Variants in PDE10A observed in about 807,000 individuals in gnomAD.
PDE10A encodes cAMP and cAMP-inhibited cGMP 3',5'-cyclic phosphodiesterase 10A.
A neutral mutation model predicts 97.7 loss-of-function variants in PDE10A; 39 were observed. That is an observed-to-expected ratio of 0.40 (90% CI 0.31 to 0.52). The LOEUF is 0.52. PDE10A is among the 20% of genes least tolerant of loss of function. The probability of loss-of-function intolerance (pLI) is 0.56; values close to 1 mark genes in which losing one functional copy is unlikely to be tolerated. For missense variants in PDE10A, 731 were observed against 1,047.8 expected (o/e 0.70, Z 4.17); for synonymous variants, 371 against 376.8 (o/e 0.98, Z 0.18).
chr6:165,895,148 T>C (rs969493381), intron 1 of PDE10A, among the ~76,000 whole-genome samples: 2 of 152,060 alleles, frequency 1.3e-5, no homozygotes, highest in African/African-American at 4.8e-5. Flanking sequence ...CTGTAAAAGA[T>C]ATGTTAAACT....
intron 1 of PDE10A, among the ~76,000 whole-genome samples, chr6:165,928,667 T>TG (rs1167162835): frequency 6.6e-6 from 1 of 152,140 alleles, no homozygotes; most frequent in Non-Finnish European, 1.5e-5. Context: ...AACCTGGTGG[T>TG]GCCAACATCC....
At chr6:165,873,001 T>C (rs981486992) in intron 1 of PDE10A, among the ~76,000 whole-genome samples, 2 of 152,220 alleles carry the variant, frequency 1.3e-5, no homozygotes, top group African/African-American at 4.8e-5. Flanking sequence ...GTAACGCCGA[T>C]GTGGGAGGCA....
intron 1 of PDE10A, among the ~76,000 whole-genome samples, chr6:165,795,554 C>T (rs770200716): frequency 5.9e-5 from 9 of 151,662 alleles, no homozygotes; most frequent in Non-Finnish European, 1.2e-4. Context: ...GGTGAAACCC[C>T]GTCTCTACTA....
At chr6:165,849,851 C>G (rs956767278) in intron 1 of PDE10A, among the ~76,000 whole-genome samples, 1 of 152,148 alleles carries the variant, frequency 6.6e-6, no homozygotes, top group African/African-American at 2.4e-5. Flanking sequence ...TCAACTTGCA[C>G]TTCAAAAGTT....
intron 13 of PDE10A, among the ~76,000 whole-genome samples, chr6:165,404,024 C>T (rs1216154093): frequency 2.0e-5 from 3 of 152,106 alleles, no homozygotes; most frequent in Admixed American, 6.5e-5. Flanking sequence ...AGGAAAATTA[C>T]ACTTAATAAT....
rs150670827 is a variant in PDE10A, at chr6:165,528,634, C to T, written c.994+14806G>A. Reference sequence around the variant, plus strand: ...CAATGCTTCTGCCAAGACTACTGTCCGTGGATTCACAGAATGCTTTATCCA... The same window carrying T: ...CAATGCTTCTGCCAAGACTACTGTCTGTGGATTCACAGAATGCTTTATCCA... On this transcript the variant is annotated intron_variant, in intron 2 of 21. Transcript: ENST00000539869. Among the ~76,000 whole-genome samples the T allele has an allele frequency of 4.1e-3, 617 of 152,286 alleles. 8 individuals carry two copies. The highest frequency in any genetic ancestry group is 6.6e-3 in the Non-Finnish European group (446 of 68,014).
intron 1 of PDE10A, among the ~76,000 whole-genome samples, chr6:165,928,557 T>C (rs559985440): frequency 1.3e-4 from 20 of 152,274 alleles, no homozygotes; most frequent in African/African-American, 4.3e-4. Context: ...AATGACAAAA[T>C]AGCTTGTTCT....
In PDE10A at chr6:165,468,263, T is replaced by A. The variant is rs552084729; in HGVS notation, c.1023+14052A>T. On this transcript the variant is annotated intron_variant, in intron 3 of 21. Coordinates refer to ENST00000539869, the MANE Select transcript of PDE10A (RefSeq NM_001385079.1). ...TAGGCTAATTTTTTTTTATTTTTTT[T>A]TTTTTTAGTAGAGATGGGGTTTCAC... Among the ~76,000 whole-genome samples the A allele has an allele frequency of 8.6e-5, 13 of 151,654 alleles. No homozygotes were observed. The East Asian group carries it at 9.7e-4, about 11-fold the overall frequency.
chr6:165,474,045 T>C (rs1338815295), intron 3 of PDE10A, among the ~76,000 whole-genome samples: 1 of 152,204 alleles, frequency 6.6e-6, no homozygotes, highest in Non-Finnish European at 1.5e-5. Flanking sequence ...TAGTCAGACG[T>C]TGCCAAAGTT....
intron 5 of PDE10A, among the ~76,000 whole-genome samples, chr6:165,438,505 G>A (rs1465521320): frequency 6.6e-6 from 1 of 152,128 alleles, no homozygotes; most frequent in African/African-American, 2.4e-5. Flanking sequence ...AAATATACTT[G>A]GGTCTGTTTC....
chr6:165,960,582 G>C (rs1784325719), intron 1 of PDE10A, among the ~76,000 whole-genome samples: 1 of 152,234 alleles, frequency 6.6e-6, no homozygotes, highest in Non-Finnish European at 1.5e-5. Context: ...AGTCTTGAAA[G>C]GAGGAGAGCA....
intron 1 of PDE10A, among the ~76,000 whole-genome samples, chr6:165,631,038 T>A (rs776952869): frequency 2.6e-5 from 4 of 152,222 alleles, no homozygotes; most frequent in Non-Finnish European, 5.9e-5. Context: ...AGAATTATTG[T>A]TTTCCTGTGC....
chr6:165,923,271 A>G (rs1782808430), intron 1 of PDE10A, among the ~76,000 whole-genome samples: 1 of 152,242 alleles, frequency 6.6e-6, no homozygotes. Context: ...GTTAAGCATA[A>G]TTATCCCTGG....
chr6:165,527,174 C>T (rs981267627), intron 2 of PDE10A, among the ~76,000 whole-genome samples: 7 of 152,120 alleles, frequency 4.6e-5, no homozygotes, highest in Non-Finnish European at 8.8e-5. Context: ...TGCATTTGGC[C>T]CCTCCTACAA....
At chr6:165,695,848 G>A (rs1248825820) in intron 1 of PDE10A, among the ~76,000 whole-genome samples, 4 of 152,140 alleles carry the variant, frequency 2.6e-5, no homozygotes, top group South Asian at 2.1e-4. Context: ...AATATCGAAC[G>A]TTGACCTTAG....
intron 13 of PDE10A, among the ~76,000 whole-genome samples, chr6:165,403,483 C>T (rs1339435289): frequency 6.6e-6 from 1 of 152,060 alleles, no homozygotes; most frequent in African/African-American, 2.4e-5. Context: ...TACTGCACAC[C>T]AACTGGTATT....
chr6:165,537,425 C>T (rs950996262), intron 2 of PDE10A, among the ~76,000 whole-genome samples: 1 of 151,934 alleles, frequency 6.6e-6, no homozygotes, highest in African/African-American at 2.4e-5. Context: ...ATATTCTCAA[C>T]ACAAAGAAAT....
intron 1 of PDE10A, among the ~76,000 whole-genome samples, chr6:165,553,981 G>C (rs1201994908): frequency 6.6e-6 from 1 of 152,082 alleles, no homozygotes; most frequent in African/African-American, 2.4e-5. Flanking sequence ...GTTATATAAA[G>C]GATTTAATGC....
chr6:165,634,531 C>G (rs1447148996), intron 1 of PDE10A, among the ~76,000 whole-genome samples: 1 of 152,072 alleles, frequency 6.6e-6, no homozygotes, highest in African/African-American at 2.4e-5. Context: ...CAAATATACA[C>G]AAACTACAGC....
Sources: gnomAD v4.1 joint callset for allele counts (sites outside exome capture counted in the v4.1 genomes callset) on GRCh38, gnomAD v4.1.1 for gene constraint, MANE v1.5 for transcripts, NCBI Gene and HGNC (gene_info 2026-07-23, HGNC 2026-07-21) for gene names.